Variants in TRIM2 observed in about 807,000 individuals in gnomAD.
TRIM2 encodes tripartite motif-containing protein 2.
Under a neutral mutation model 75.2 loss-of-function variants are expected in TRIM2, and 20 were observed. The ratio of observed to expected loss-of-function variants is 0.27; its 90% CI spans 0.19 to 0.39. The LOEUF (loss-of-function observed/expected upper bound fraction) is 0.39. Ranked by LOEUF, TRIM2 falls within the 10% of genes least tolerant of loss-of-function variation. The pLI is 1.00. For synonymous variants in TRIM2, 373 were observed against 388.3 expected (o/e 0.96, Z 0.46); for missense variants, 660 against 990.8 (o/e 0.67, Z 4.48).
At chr4:153,194,299 A>G (rs759301077) in intron 1 of TRIM2, among the ~76,000 whole-genome samples, 5 of 152,202 alleles carry the variant, frequency 3.3e-5, no homozygotes, top group Non-Finnish European at 5.9e-5. Flanking sequence ...TGGATAAACC[A>G]ATTGTGGTAT....
chr4:153,228,302 T>C (rs977535841), intron 1 of TRIM2, among the ~76,000 whole-genome samples: 7 of 152,208 alleles, frequency 4.6e-5, no homozygotes, highest in Non-Finnish European at 1.0e-4. Context: ...TCCTGAGACC[T>C]CTAGAACAGA....
intron 1 of TRIM2, among the ~76,000 whole-genome samples, chr4:153,189,189 G>A (rs1020114110): frequency 9.9e-5 from 15 of 152,164 alleles, no homozygotes; most frequent in African/African-American, 3.6e-4. Flanking sequence ...TTGGCTTCTT[G>A]TACTTCAGTA....
chr4:153,204,427 G>A (rs756959075), upstream of TRIM2: 173 of 1,370,630 alleles, frequency 1.3e-4, no homozygotes, highest in Admixed American at 3.4e-4. Context: ...TTTTAGTAAG[G>A]GCCACCCTTT....
chr4:153,328,767 A>G, intron 11 of TRIM2, 97 bp downstream of exon 11: 3 of 1,383,128 alleles, frequency 2.2e-6, no homozygotes, highest in African/African-American at 2.9e-5. Context: ...TCTCTTTTCC[A>G]TTGGTTAGGA....
intron 1 of TRIM2, among the ~76,000 whole-genome samples, chr4:153,241,595 A>G (rs1339853048): frequency 6.6e-6 from 1 of 152,094 alleles, no homozygotes; most frequent in Non-Finnish European, 1.5e-5. Context: ...TGAGCATGTG[A>G]GCAGAGAACC....
chr4:153,241,311 G>C (rs1221193908), intron 1 of TRIM2, among the ~76,000 whole-genome samples: 1 of 152,192 alleles, frequency 6.6e-6, no homozygotes, highest in Non-Finnish European at 1.5e-5. Context: ...GTCTAGGCAG[G>C]CTGGACACCC....
At chr4:153,320,664 G>A (rs1166442075) in intron 8 of TRIM2, among the ~76,000 whole-genome samples, 4 of 151,990 alleles carry the variant, frequency 2.6e-5, no homozygotes, top group African/African-American at 4.8e-5. Context: ...ACAGAGTCTC[G>A]CTCTGTCACC....
intron 8 of TRIM2, among the ~76,000 whole-genome samples, chr4:153,320,368 CCTG>C (rs888867089): frequency 1.2e-4 from 18 of 152,186 alleles, no homozygotes; most frequent in African/African-American, 4.3e-4. Context: ...AAAGTCCCAT[CCTG>C]CTACTAGAAA....
At chr4:153,308,239 T>C (rs1765462517) in intron 6 of TRIM2, 4 of 1,538,174 alleles carry the variant, frequency 2.6e-6, no homozygotes, top group Non-Finnish European at 3.6e-6. Context: ...CTTCTACCCT[T>C]TGCCAGGGCA....
In TRIM2 at chr4:153,335,018, G is replaced by C; in HGVS notation, c.*52G>C. On this transcript the variant is annotated 3_prime_UTR_variant, in exon 12 of 12. Transcript: ENST00000338700. ...ATGGTCTTGCACTATAAACTGGAAT[G>C]GATTTCTCAATGCGGGACCAGATTA... The C allele has an allele frequency of 6.7e-7, 1 of 1,497,222 alleles. No homozygotes were observed. The highest frequency in any genetic ancestry group is 9.0e-7 in the Non-Finnish European group (1 of 1,110,022). The allele number at this position is 1,497,222 out of a possible 1,614,324, so 92.7% of individuals were successfully genotyped here. A position where few individuals can be genotyped will look rare whatever the true frequency, so the allele number is the denominator to read the frequency against.
intron 1 of TRIM2, among the ~76,000 whole-genome samples, chr4:153,225,138 G>A (rs1431932365): frequency 6.6e-6 from 1 of 152,190 alleles, no homozygotes; most frequent in Non-Finnish European, 1.5e-5. Context: ...ACATCTTGAA[G>A]CCCTGAAATC....
chr4:153,216,165 G>C (rs1445191761), intron 1 of TRIM2, among the ~76,000 whole-genome samples: 1 of 152,132 alleles, frequency 6.6e-6, no homozygotes, highest in African/African-American at 2.4e-5. Context: ...GCAGTGTATG[G>C]TTCTGTAATG....
intron 1 of TRIM2, among the ~76,000 whole-genome samples, chr4:153,185,217 AAG>A: frequency 6.6e-6 from 1 of 152,358 alleles, no homozygotes; most frequent in East Asian, 1.9e-4. Context: ...GTGGTTCCCC[AAG>A]AGCAGAGTTT....
At chr4:153,186,651 G>A (rs914257579) in intron 1 of TRIM2, among the ~76,000 whole-genome samples, 2 of 152,214 alleles carry the variant, frequency 1.3e-5, no homozygotes, top group Admixed American at 1.3e-4. Flanking sequence ...CCCTTTTCAA[G>A]TCTTGTCCCC....
intron 1 of TRIM2, among the ~76,000 whole-genome samples, chr4:153,167,019 T>C (rs1174269594): frequency 6.6e-6 from 1 of 152,212 alleles, no homozygotes; most frequent in African/African-American, 2.4e-5. Flanking sequence ...GTGGTAAAAT[T>C]AGCCACATAA....
intron 1 of TRIM2, among the ~76,000 whole-genome samples, chr4:153,255,431 G>A (rs1025333386): frequency 1.3e-5 from 2 of 152,162 alleles, no homozygotes; most frequent in African/African-American, 4.8e-5. Flanking sequence ...GTGCTGGGGG[G>A]CGGGGTCAGC....
At chr4:153,200,722 A>AT (rs1734251379), upstream of TRIM2, among the ~76,000 whole-genome samples, 5 of 123,188 alleles carry the variant, frequency 4.1e-5, no homozygotes, top group Admixed American at 2.3e-4. Flanking sequence ...GTAAGAAAAA[A>AT]AAATATATAT....
intron 1 of TRIM2, among the ~76,000 whole-genome samples, chr4:153,246,085 T>C (rs1187101105): frequency 6.6e-6 from 1 of 152,192 alleles, no homozygotes; most frequent in Non-Finnish European, 1.5e-5. Flanking sequence ...ATACTGGCCC[T>C]TTACAGAAAA....
intron 1 of TRIM2, among the ~76,000 whole-genome samples, chr4:153,213,370 T>C (rs1036780048): frequency 2.6e-5 from 4 of 152,222 alleles, no homozygotes; most frequent in African/African-American, 9.6e-5. Context: ...TCAATTTTTT[T>C]CTATCACAAA....
Sources: allele counts gnomAD v4.1 joint callset (sites outside exome capture counted in the v4.1 genomes callset), GRCh38; gene constraint gnomAD v4.1.1; transcripts MANE v1.5; gene names NCBI Gene and HGNC (gene_info 2026-07-23, HGNC 2026-07-21).